The following ARSG variants were observed in gnomAD, a reference collection of about 807,000 sequenced individuals.
The protein encoded by ARSG is ASG.
ARSG carries 37 observed loss-of-function variants against 50.5 expected under a neutral mutation model. The observed-to-expected ratio is 0.73, with a 90% CI of 0.56 to 0.96. The LOEUF is 0.96. ARSG is among the 50% of genes least tolerant of loss of function. The pLI is 0.00. For synonymous variants in ARSG, 225 were observed against 254.6 expected (o/e 0.88, Z 1.11); for missense variants, 629 against 675.3 (o/e 0.93, Z 0.76).
At chr17:68,333,443 C>A (rs2077868996) in intron 2 of ARSG, among the ~76,000 whole-genome samples, 2 of 152,070 alleles carry the variant, frequency 1.3e-5, no homozygotes, top group African/African-American at 4.8e-5. Context: ...GCCTGGCCAA[C>A]AGTGGCAAAA....
intron 11 of ARSG, among the ~76,000 whole-genome samples, chr17:68,406,709 C>G (rs1025963977): frequency 6.6e-6 from 1 of 152,054 alleles, no homozygotes; most frequent in Non-Finnish European, 1.5e-5. Context: ...GCTTAGCTCA[C>G]TTTTTGATGG....
At position 68,368,597 on chromosome 17, in the gene ARSG, G is replaced by A. The variant is rs756266983; in HGVS notation, c.754G>A (p.Val252Met). Residue 252 changes from valine to methionine, a missense_variant, in exon 7 of 12, where the codon GTG becomes ATG. Transcript: ENST00000621439. Reference sequence around the variant, plus strand: ...CTATGTGGCTCTGGCCCACATGCACGTGCCCTTACCTGTGACTCAGCTACC... The same window carrying A: ...CTATGTGGCTCTGGCCCACATGCACATGCCCTTACCTGTGACTCAGCTACC... The part of the protein sequence containing the change: ...LLYVALAHMH[V>M]PLPVTQLPAA... 1.9e-5 allele frequency: 30 copies of A among 1,614,062 alleles called. No homozygotes were observed. Among genetic ancestry groups the A allele is most frequent in the Non-Finnish European group, 2.4e-5 (28 of 1,180,034 alleles).
At chr17:68,372,748 G>C (rs558277571) in intron 8 of ARSG, among the ~76,000 whole-genome samples, 1 of 152,150 alleles carries the variant, frequency 6.6e-6, no homozygotes, top group Admixed American at 6.5e-5. Flanking sequence ...CCTGACCTAT[G>C]ACCCTCAGCT....
chr17:68,433,659 A>T, the ARSG span: 13 of 1,120,052 alleles, frequency 1.2e-5, no homozygotes, highest in Non-Finnish European at 1.6e-5. Context: ...TTTATAAGAA[A>T]ATCAGATGTA....
At chr17:68,299,677 TGAAAA>T (rs1184272826) in intron 1 of ARSG, among the ~76,000 whole-genome samples, 2 of 152,200 alleles carry the variant, frequency 1.3e-5, no homozygotes, top group Admixed American at 6.5e-5. Flanking sequence ...GAGCCATAAA[TGAAAA>T]GAAAAGAGAC....
intron 2 of ARSG, among the ~76,000 whole-genome samples, chr17:68,333,324 A>G (rs915952535): frequency 6.6e-6 from 1 of 151,610 alleles, no homozygotes; most frequent in Admixed American, 6.6e-5. Flanking sequence ...TCCGTCTCAA[A>G]AAAAATAAAA....
chr17:68,326,661 G>A (rs993365689), intron 2 of ARSG, among the ~76,000 whole-genome samples: 7 of 152,128 alleles, frequency 4.6e-5, no homozygotes, highest in Non-Finnish European at 7.4e-5. Flanking sequence ...GCGAAACTCC[G>A]TCTAAAAAAC....
intron 1 of ARSG, among the ~76,000 whole-genome samples, chr17:68,299,754 G>A (rs1555760926): frequency 1.3e-5 from 2 of 152,064 alleles, no homozygotes; most frequent in Non-Finnish European, 2.9e-5. Flanking sequence ...CAAACCAACT[G>A]TTAAAAAAAT....
At chr17:68,382,959 G>A (rs1290702618) in intron 8 of ARSG, among the ~76,000 whole-genome samples, 1 of 152,172 alleles carries the variant, frequency 6.6e-6, no homozygotes, top group Non-Finnish European at 1.5e-5. Flanking sequence ...ACACTGAGAG[G>A]CTTCTCTCAG....
chr17:68,304,763 C>G (rs1006634996), intron 1 of ARSG, among the ~76,000 whole-genome samples: 3 of 152,224 alleles, frequency 2.0e-5, no homozygotes, highest in African/African-American at 7.2e-5. Context: ...CCGCTAGCCT[C>G]AAGTAATCCT....
At chr17:68,400,950 G>T in intron 10 of ARSG, 1 of 161,348 alleles carries the variant, frequency 6.2e-6, no homozygotes, top group Non-Finnish European at 1.4e-5. Flanking sequence ...TTTGGGCACA[G>T]GGATAGGGAG....
intron 1 of ARSG, chr17:68,269,293 C>T (rs1555747652): frequency 5.3e-6 from 7 of 1,321,690 alleles, no homozygotes; most frequent in Non-Finnish European, 7.3e-6. Context: ...GCCATGCCAG[C>T]TGCGCAGGAG....
chr17:68,299,324 C>T (rs1033638629), intron 1 of ARSG, among the ~76,000 whole-genome samples: 16 of 151,818 alleles, frequency 1.1e-4, no homozygotes, highest in African/African-American at 3.4e-4. Flanking sequence ...AGGCTGGTCT[C>T]GAACTCCTGA....
At chr17:68,447,654 G>C in the ARSG span, among the ~76,000 whole-genome samples, 2 of 152,154 alleles carry the variant, frequency 1.3e-5, no homozygotes, top group Non-Finnish European at 2.9e-5. Flanking sequence ...GCCTCCTGAA[G>C]TGCTGGGACC....
intron 11 of ARSG, among the ~76,000 whole-genome samples, chr17:68,404,359 G>T (rs1288351438): frequency 6.6e-6 from 1 of 152,102 alleles, no homozygotes; most frequent in Non-Finnish European, 1.5e-5. Context: ...TCCAGTTAAG[G>T]CAACCTGTAC....
chr17:68,312,510 G>GT (rs1208049557), intron 2 of ARSG, among the ~76,000 whole-genome samples: 20 of 149,788 alleles, frequency 1.3e-4, no homozygotes, highest in East Asian at 3.9e-4. Context: ...AGGCCTACAC[G>GT]TTTTTTTTTT....
intron 1 of ARSG, among the ~76,000 whole-genome samples, chr17:68,275,305 GAAC>G (rs1468182148): frequency 6.6e-6 from 1 of 152,072 alleles, no homozygotes; most frequent in African/African-American, 2.4e-5. Flanking sequence ...TTGGGTCAAG[GAAC>G]AACAACATGC....
chr17:68,302,518 C>G (rs891938308), intron 1 of ARSG, among the ~76,000 whole-genome samples: 7 of 152,184 alleles, frequency 4.6e-5, no homozygotes, highest in African/African-American at 1.7e-4. Flanking sequence ...TCTGTGTTTT[C>G]AGACACTGCT....
chr17:68,327,137 A>G (rs551063129), intron 2 of ARSG, among the ~76,000 whole-genome samples: 35 of 152,002 alleles, frequency 2.3e-4, no homozygotes, highest in Admixed American at 5.9e-4. Context: ...GAAGAGGGTA[A>G]TGCATTATTT....
Sources: allele counts gnomAD v4.1 joint callset (sites outside exome capture counted in the v4.1 genomes callset), GRCh38; gene constraint gnomAD v4.1.1; transcripts MANE v1.5; gene names NCBI Gene and HGNC (gene_info 2026-07-23, HGNC 2026-07-21).